The following ABCD4 variants were observed in gnomAD, a reference collection of about 807,000 sequenced individuals.
ABCD4 encodes lysosomal cobalamin transporter ABCD4.
ABCD4 carries 53 observed loss-of-function variants against 86.3 expected under a neutral mutation model. The observed-to-expected ratio is 0.61, with a 90% CI of 0.49 to 0.77. The LOEUF is 0.77. ABCD4 is among the 30% of genes least tolerant of loss of function. The pLI is 0.00. For synonymous variants in ABCD4, 328 were observed against 313.6 expected, an observed-to-expected ratio of 1.05 and a Z score of -0.49; for missense variants, 757 against 764.5, an observed-to-expected ratio of 0.99 and a Z score of 0.12.
At position 74,296,229 on chromosome 14, in the gene ABCD4, A is replaced by C. The variant is rs953985330; in HGVS notation, c.542+104T>G. 3 of 1,251,302 alleles carry C rather than the reference A, an allele frequency of 2.4e-6. No individual in the cohort carries two copies. The East Asian group carries it at 7.0e-5, about 29-fold the overall frequency. The allele number at this position is 1,251,302 out of a possible 1,614,324, so 77.5% of individuals were successfully genotyped here. ...GGGATGGGTGAGCACGTGGTAAGGTACGGTGGGAGAGAGGGGAAATAAGCT... is the reference window on the plus strand; with the variant it reads ...GGGATGGGTGAGCACGTGGTAAGGTCCGGTGGGAGAGAGGGGAAATAAGCT... On this transcript the variant is annotated intron_variant, in intron 5 of 18. Transcript: ENST00000356924.
Position 74,289,498 on chromosome 14 carries a change from C to A in ABCD4, c.1441G>T (p.Val481Phe), listed in dbSNP as rs1279658942. 6.2e-7 allele frequency: 1 copy of A among 1,613,774 alleles called. No homozygotes were observed. The highest frequency in any genetic ancestry group is 8.5e-7 in the Non-Finnish European group (1 of 1,179,904). ...REQVIYPLKEVYPDSGSADDE... is the reference protein window; with the variant it reads ...REQVIYPLKEFYPDSGSADDE... The stretch of plus-strand genomic sequence containing the variant: ...ACCAGCTCACCTGAGTCGGGGTAGA[C>A]CTCCTTCAGGGGATATATCACCTGA... Residue 481 changes from valine to phenylalanine, a missense_variant, in exon 14 of 19, where the codon GTC becomes TTC. Coordinates refer to ENST00000356924, the MANE Select transcript of ABCD4 (RefSeq NM_005050.4).
Position 74,286,501 on chromosome 14 carries a change from C to T in ABCD4, c.1781G>A (p.Gly594Glu). The T allele has an allele frequency of 6.2e-7, 1 of 1,614,274 alleles. No homozygotes were observed. Residue 594 changes from glycine to glutamate, a missense_variant, in exon 19 of 19, where the codon GGA becomes GAA. Gly to Glu is a moderately conservative substitution (Grantham distance 98). Coordinates refer to ENST00000356924, the MANE Select transcript of ABCD4 (RefSeq NM_005050.4). Reference protein sequence around the residue: ...KFHSLVLKLCGGGRWELMRIK... With the variant: ...KFHSLVLKLCEGGRWELMRIK... The stretch of plus-strand genomic sequence containing the variant: ...TCTCATCAGCTCCCATCTTCCTCCT[C>T]CACAGAGTTTCAGAACCAAGGAATG...
rs1470235234 is a variant in ABCD4, at chr14:74,300,193, T to C, written c.114A>G (p.Gln38=). ...AAAGGGTCAGGAACATCAAGGCATTTTGTGATGACCAAGAAGGAAACAAAA... is the reference window on the plus strand; with the variant it reads ...AAAGGGTCAGGAACATCAAGGCATTCTGTGATGACCAAGAAGGAAACAAAA... ...LKVLFPSWSS[Q]NALMFLTLLC... is the part of the protein sequence containing the mutation. Residue 38 remains glutamine (Q), a synonymous_variant, in exon 2 of 19, where the codon CAA becomes CAG. Transcript: ENST00000356924. The C allele has an allele frequency of 5.6e-6, 9 of 1,613,718 alleles. No homozygotes were observed. Among genetic ancestry groups the C allele is most frequent in the African/African-American group, 1.3e-5 (1 of 74,814 alleles).
intron 17 of ABCD4, among the ~76,000 whole-genome samples, chr14:74,287,028 T>C (rs1386743410): frequency 6.6e-6 from 1 of 152,132 alleles, no homozygotes; most frequent in African/African-American, 2.4e-5. Flanking sequence ...GCATGAAATC[T>C]CTCAGCTTCT....
rs45447292 is a variant in ABCD4, at chr14:74,293,308, C to T, written c.720-60G>A. 6,392 of 1,518,760 alleles carry T rather than the reference C, an allele frequency of 4.2e-3. 19 individuals are homozygous for T. Among genetic ancestry groups the T allele is most frequent in the South Asian group, 6.7e-3 (591 of 88,174 alleles). 94.1% of individuals were successfully genotyped at this position (1,518,760 alleles called of 1,614,324 possible). On this transcript the variant is annotated intron_variant, in intron 7 of 18. Transcript: ENST00000356924. The stretch of plus-strand genomic sequence containing the variant: ...GAGAGGTTCAGCCAGGTTGGGGGGC[C>T]GCCTGTCCCATATCACACCCTCCTT...
rs74063839 is a variant in ABCD4 at position 74,297,882 on chromosome 14, A to T, written c.425+48T>A. On this transcript the variant is annotated intron_variant, in intron 4 of 18. Coordinates refer to ENST00000356924, the MANE Select transcript of ABCD4 (RefSeq NM_005050.4). ...CAGCAGTCTCCAGGGCTAGGCCAGA[A>T]GGAAAGGACCACACAGAGTGTAGAA... The T allele has an allele frequency of 0.012, 18,769 of 1,562,648 alleles. 1,924 individuals are homozygous for T. In the African/African-American group the frequency reaches 0.23, roughly 19 times the overall value.
Position 74,292,572 on chromosome 14 carries a change from T to C in ABCD4, c.1007A>G (p.Asp336Gly). 6.2e-7 allele frequency: 1 copy of C among 1,614,054 alleles called. No individual in the cohort carries two copies. The highest frequency in any genetic ancestry group is 8.5e-7 in the Non-Finnish European group (1 of 1,180,010). The change falls in exon 10 of 19, where the codon GAT becomes GGT. Residue 336 changes from aspartate to glycine, a missense_variant. Asp to Gly is a moderately conservative substitution (Grantham distance 94). Coordinates refer to ENST00000356924, the MANE Select transcript of ABCD4 (RefSeq NM_005050.4). ...QLIDLSTTLS[D>G]VAGYTHRIGQ... ...TCACCTGTGCGTGTAGCCAGCCACA[T>C]CTGAGAGCGTCGTGGACAGGTCGAT...
In ABCD4 at chr14:74,300,176, A is replaced by G. The variant is rs751844212; in HGVS notation, c.131T>C (p.Leu44Pro). 1.2e-6 allele frequency: 2 copies of G among 1,613,494 alleles called. No homozygotes were observed. The highest frequency in any genetic ancestry group is 1.1e-5 in the South Asian group (1 of 91,058). ...CAGTAGGGTCAGGCACAAAAGGGTC[A>G]GGAACATCAAGGCATTTTGTGATGA... ...SWSSQNALMF[L>P]TLLCLTLLEQ... The change falls in exon 2 of 19, where the codon CTG becomes CCG. Residue 44 changes from leucine to proline, a missense_variant. Coordinates refer to ENST00000356924, the MANE Select transcript of ABCD4 (RefSeq NM_005050.4).
chr14:74,295,576 C>T (rs1204172519), intron 6 of ABCD4, among the ~76,000 whole-genome samples: 1 of 152,214 alleles, frequency 6.6e-6, no homozygotes, highest in African/African-American at 2.4e-5. Flanking sequence ...AGTGAGAAGG[C>T]CAAGAGATGA....
chr14:74,289,004 G>T (rs1013487369), intron 14 of ABCD4: 2 of 914,660 alleles, frequency 2.2e-6, no homozygotes, highest in Non-Finnish European at 3.0e-6. Flanking sequence ...CCCAGCTACG[G>T]AAGAGGCTGA....
In ABCD4 at chr14:74,290,567, G is replaced by A. The variant is rs1037584480; in HGVS notation, c.1119-68C>T. On this transcript the variant is annotated intron_variant, in intron 11 of 18. Transcript: ENST00000356924. The stretch of plus-strand genomic sequence containing the variant: ...TCAGTATTGCTGTGGGGGAGGCACT[G>A]CTCCCGGGAGCCACCACCTGTGGAT... 3 of 1,218,962 alleles carry A rather than the reference G, an allele frequency of 2.5e-6. No individual in the cohort carries two copies. The African/African-American group carries it at 4.4e-5, about 18-fold the overall frequency. 75.5% of individuals were successfully genotyped at this position (1,218,962 alleles called of 1,614,324 possible).
chr14:74,293,348 A>G, intron 7 of ABCD4, 100 bp from the exon 8 acceptor site: 2 of 1,060,966 alleles, frequency 1.9e-6, no homozygotes, highest in Non-Finnish European at 2.8e-6. Flanking sequence ...AACCAAGGCC[A>G]TTCAAATGAT....
At chr14:74,289,905 C>T (rs2080996439) in intron 13 of ABCD4, 122 bp downstream of exon 13, 3 of 1,543,176 alleles carry the variant, frequency 1.9e-6, no homozygotes, top group Non-Finnish European at 2.6e-6. Flanking sequence ...AGGCCCGGGC[C>T]ACTTCACCAC....
Position 74,293,122 on chromosome 14 carries a change from T to C in ABCD4, c.814+32A>G, listed in dbSNP as rs761995974. 3.1e-6 allele frequency: 5 copies of C among 1,603,310 alleles called. No individual in the cohort carries two copies. In the East Asian group the frequency reaches 1.1e-4, roughly 36 times the overall value. ...AGGGAAGCAGACCAGTCCAACCCCATGGTTCCCACTTCCCTGGGCCCCCTC... is the reference window on the plus strand; with the variant it reads ...AGGGAAGCAGACCAGTCCAACCCCACGGTTCCCACTTCCCTGGGCCCCCTC... On this transcript the variant is annotated intron_variant, in intron 8 of 18. Coordinates refer to ENST00000356924, the MANE Select transcript of ABCD4 (RefSeq NM_005050.4).
At position 74,289,513 on chromosome 14, in the gene ABCD4, A is replaced by G. The variant is rs1045211254; in HGVS notation, c.1426T>C (p.Tyr476His). The G allele has an allele frequency of 4.3e-6, 7 of 1,613,650 alleles. No individual in the cohort carries two copies. Among genetic ancestry groups the G allele is most frequent in the African/African-American group, 4.0e-5 (3 of 74,900 alleles). ...TCGGGGTAGACCTCCTTCAGGGGAT[A>G]TATCACCTGAGAAAAGAAAAAAACC... ...TDGTLREQVI[Y>H]PLKEVYPDSG... The change falls in exon 14 of 19, where the codon TAT becomes CAT. Residue 476 changes from tyrosine (Y) to histidine (H), a missense_variant. Coordinates refer to ENST00000356924, the MANE Select transcript of ABCD4 (RefSeq NM_005050.4).
At chr14:74,287,974 T>C in intron 16 of ABCD4, 88 bp from the exon 17 acceptor site, 1 of 1,316,594 alleles carries the variant, frequency 7.6e-7, no homozygotes. Flanking sequence ...AAGAGGTTTC[T>C]CTGCACAGAG....
intron 10 of ABCD4, 68 bp from the exon 11 acceptor site, chr14:74,292,444 T>A (rs2081763699): frequency 6.3e-7 from 1 of 1,593,294 alleles, no homozygotes; most frequent in African/African-American, 1.3e-5. Context: ...TTTTCCTATC[T>A]CACACCCACG....
chr14:74,295,242 T>C (rs1389425675), intron 6 of ABCD4, 44 bp from the exon 7 acceptor site: 3 of 1,609,234 alleles, frequency 1.9e-6, no homozygotes, highest in Non-Finnish European at 1.7e-6. Flanking sequence ...CAGGGAGTAC[T>C]GGCCTCACTC....
In ABCD4 at chr14:74,297,959, G is replaced by C. The variant is rs1193377800; in HGVS notation, c.396C>G (p.Leu132=). ...LYFRGRAYYT[L]NVLRDDIDNP... ...TATCGATGTCATCCCGCAGCACGTT[G>C]AGGGTGTAGTACGCACGGCCCCGGA... Residue 132 remains leucine, a synonymous_variant, in exon 4 of 19, where the codon CTC becomes CTG. Transcript: ENST00000356924. 2 of 1,613,712 alleles carry C rather than the reference G, an allele frequency of 1.2e-6. No homozygotes were observed. The highest frequency in any genetic ancestry group is 1.3e-5 in the African/African-American group (1 of 74,896).
Sources: allele counts gnomAD v4.1 joint callset (sites outside exome capture counted in the v4.1 genomes callset), GRCh38; gene constraint gnomAD v4.1.1; transcripts MANE v1.5; gene names NCBI Gene and HGNC (gene_info 2026-07-23, HGNC 2026-07-21).